Variants in DACH2 observed in about 807,000 individuals in gnomAD.
The protein encoded by DACH2 is dachshund homolog 2.
DACH2 carries 17 observed loss-of-function variants against 35.8 expected under a neutral mutation model. The observed-to-expected ratio is 0.48, with a 90% CI of 0.33 to 0.71. The LOEUF (loss-of-function observed/expected upper bound fraction) is 0.71, where lower values mean the gene tolerates loss of function less well. Ranked by LOEUF, DACH2 falls within the 30% of genes least tolerant of loss-of-function variation. The probability of loss-of-function intolerance (pLI) is 0.02; values close to 1 mark genes in which losing one functional copy is unlikely to be tolerated. For missense variants in DACH2, 469 were observed against 472.7 expected (o/e 0.99, Z 0.07); for synonymous variants, 195 against 177.3 (o/e 1.10, Z -0.79).
intron 2 of DACH2, among the ~76,000 whole-genome samples, chrX:86,504,361 G>A (rs1229897317): frequency 5.4e-5 from 6 of 110,658 alleles, no homozygotes; most frequent in Admixed American, 9.6e-5. Flanking sequence ...CTTTTTAAGT[G>A]TATTAGTTTG....
chrX:86,159,221 G>A (rs2030662294), intron 1 of DACH2, among the ~76,000 whole-genome samples: 1 of 111,178 alleles, frequency 9.0e-6, no homozygotes, highest in Non-Finnish European at 1.9e-5. Flanking sequence ...CTTTGCATGT[G>A]GTCCTATACA....
intron 3 of DACH2, among the ~76,000 whole-genome samples, chrX:86,607,684 G>A (rs776621691): frequency 1.1e-4 from 12 of 104,393 alleles, no homozygotes; most frequent in African/African-American, 3.5e-4. Context: ...ATGCTGGTGC[G>A]CTGCACCCAC....
intron 7 of DACH2, among the ~76,000 whole-genome samples, chrX:86,804,504 C>T (rs1161149153): frequency 4.5e-5 from 5 of 111,727 alleles, no homozygotes; most frequent in African/African-American, 1.6e-4. Flanking sequence ...CCTCCCAAAT[C>T]ACATGCCCTT....
intron 2 of DACH2, among the ~76,000 whole-genome samples, chrX:86,460,693 AT>A (rs36070108): frequency 9.0e-6 from 1 of 110,918 alleles, no homozygotes; most frequent in East Asian, 2.8e-4. Flanking sequence ...AAGACTATAA[AT>A]TTTTTCAAGA....
chrX:86,315,461 C>T (rs2034881227), intron 1 of DACH2, among the ~76,000 whole-genome samples: 1 of 111,713 alleles, frequency 9.0e-6, no homozygotes, highest in African/African-American at 3.3e-5. Context: ...GGAGCAATTT[C>T]GATGTTCAAG....
intron 1 of DACH2, chrX:86,262,829 A>T: frequency 1.1e-5 from 2 of 187,562 alleles, no homozygotes; most frequent in Non-Finnish European, 1.6e-5. Context: ...CATGAAAATT[A>T]AAACCATTGG....
chrX:86,594,890 T>C (rs1310542435), intron 3 of DACH2, among the ~76,000 whole-genome samples: 1 of 111,909 alleles, frequency 8.9e-6, no homozygotes, highest in African/African-American at 3.2e-5. Flanking sequence ...TGTACAACTA[T>C]AACAATGGGT....
chrX:86,524,714 TC>T (rs2038606160), intron 3 of DACH2, among the ~76,000 whole-genome samples: 1 of 111,428 alleles, frequency 9.0e-6, no homozygotes, highest in South Asian at 3.8e-4. Flanking sequence ...TAAAAATGTC[TC>T]CCCCCAATTT....
intron 3 of DACH2, among the ~76,000 whole-genome samples, chrX:86,584,633 A>AT: frequency 9.0e-6 from 1 of 110,854 alleles, no homozygotes; most frequent in Non-Finnish European, 1.9e-5. Context: ...AGCATACCAC[A>AT]TTTTTTGGGT....
chrX:86,363,844 A>G (rs1413019815), intron 1 of DACH2, among the ~76,000 whole-genome samples: 1 of 111,664 alleles, frequency 9.0e-6, no homozygotes, highest in Non-Finnish European at 1.9e-5. Context: ...AGAAAATTTT[A>G]AAAGCTATTT....
chrX:86,534,574 A>G (rs947728189), intron 3 of DACH2, among the ~76,000 whole-genome samples: 4 of 112,079 alleles, frequency 3.6e-5, no homozygotes, highest in African/African-American at 1.3e-4. Context: ...GCTTGAGCTA[A>G]ATCATGCATT....
intron 1 of DACH2, among the ~76,000 whole-genome samples, chrX:86,299,017 C>T (rs1463687640): frequency 8.9e-6 from 1 of 111,835 alleles, no homozygotes; most frequent in Admixed American, 9.5e-5. Context: ...TTGTTCAGTC[C>T]ATAGTCAACT....
At chrX:86,368,731 TA>T (rs1467762573) in intron 1 of DACH2, among the ~76,000 whole-genome samples, 1 of 109,446 alleles carries the variant, frequency 9.1e-6, no homozygotes, top group Non-Finnish European at 1.9e-5. Context: ...CTCAGCTAAT[TA>T]CAAAAAAATT....
chrX:86,449,294 T>G (rs1233547158), intron 2 of DACH2, among the ~76,000 whole-genome samples: 1 of 88,223 alleles, frequency 1.1e-5, no homozygotes, highest in African/African-American at 4.2e-5. Context: ...TGTCTCTATT[T>G]CCTTCAGTTC....
intron 4 of DACH2, among the ~76,000 whole-genome samples, chrX:86,656,029 T>C (rs371073362): frequency 4.3e-3 from 347 of 81,418 alleles, no homozygotes; most frequent in Non-Finnish European, 4.7e-3. Context: ...GAAATAAAGC[T>C]CCCCCCCCCC....
intron 3 of DACH2, among the ~76,000 whole-genome samples, chrX:86,641,144 G>A (rs767945757): frequency 1.8e-5 from 2 of 112,000 alleles, no homozygotes; most frequent in East Asian, 5.7e-4. Flanking sequence ...AATATGGATA[G>A]GAACAAAGAT....
intron 2 of DACH2, among the ~76,000 whole-genome samples, chrX:86,416,595 T>A (rs2036707094): frequency 9.0e-6 from 1 of 111,510 alleles, no homozygotes; most frequent in Non-Finnish European, 1.9e-5. Context: ...TAGTCCATTT[T>A]GCATTGCTAG....
intron 1 of DACH2, among the ~76,000 whole-genome samples, chrX:86,370,862 T>G (rs994411455): frequency 2.7e-5 from 3 of 111,365 alleles, no homozygotes; most frequent in African/African-American, 9.8e-5. Flanking sequence ...CTAAAGATAT[T>G]TAATGGGCAT....
intron 2 of DACH2, among the ~76,000 whole-genome samples, chrX:86,403,734 T>C (rs752734634): frequency 8.9e-6 from 1 of 111,965 alleles, no homozygotes; most frequent in Non-Finnish European, 1.9e-5. Flanking sequence ...GAAAGACACA[T>C]GCACACACTT....
Sources: gnomAD v4.1 joint callset for allele counts (sites outside exome capture counted in the v4.1 genomes callset) on GRCh38, gnomAD v4.1.1 for gene constraint, MANE v1.5 for transcripts, NCBI Gene and HGNC (gene_info 2026-07-23, HGNC 2026-07-21) for gene names.